Variants in EPHB1 observed in about 807,000 individuals in gnomAD.
EPHB1 encodes the protein EPH receptor B1, also known as ephrin type-B receptor 1.
EPHB1 carries 30 observed loss-of-function variants against 94.4 expected under a neutral mutation model. The observed-to-expected ratio is 0.32, with a 90% CI of 0.24 to 0.43. The LOEUF is 0.43. Ranked by LOEUF, EPHB1 falls within the 20% of genes least tolerant of loss-of-function variation. EPHB1 has a pLI of 1.00. For missense variants in EPHB1, 1,055 were observed against 1,308.3 expected (o/e 0.81, Z 2.99); for synonymous variants, 522 against 489.1 (o/e 1.07, Z -0.89).
intron 3 of EPHB1, among the ~76,000 whole-genome samples, chr3:135,069,421 A>G (rs1342197495): frequency 6.6e-6 from 1 of 152,080 alleles, no homozygotes; most frequent in Non-Finnish European, 1.5e-5. Flanking sequence ...GGCCCCAAGG[A>G]AGACAGTTTG....
At chr3:135,137,333 A>G (rs1940657435) in intron 5 of EPHB1, among the ~76,000 whole-genome samples, 1 of 152,196 alleles carries the variant, frequency 6.6e-6, no homozygotes, top group African/African-American at 2.4e-5. Context: ...TGATTTTATA[A>G]GCTGAAAATC....
At chr3:134,901,325 A>G (rs1391356167) in intron 1 of EPHB1, among the ~76,000 whole-genome samples, 1 of 152,204 alleles carries the variant, frequency 6.6e-6, no homozygotes, top group African/African-American at 2.4e-5. Flanking sequence ...TGTCTCTTAA[A>G]AGACTCCTTA....
rs558321566 is a variant in EPHB1, at chr3:135,248,486, G to T, written c.2667G>T (p.Lys889Asn). The part of the protein sequence containing the change: ...DKMIRNPASL[K>N]TVATITAVPS... ...TGATCCGGAACCCGGCAAGTCTCAA[G>T]ACTGTGGCAACCATCACCGCCGTGT... Residue 889 changes from lysine to asparagine, a missense_variant, in exon 14 of 16, where the codon AAG becomes AAT. Physicochemically the swap from Lys to Asn is moderately conservative, Grantham distance 94 (BLOSUM62 0). Coordinates refer to ENST00000398015, the MANE Select transcript of EPHB1 (RefSeq NM_004441.5). 1 of 1,608,604 alleles carries T rather than the reference G, an allele frequency of 6.2e-7. No individual in the cohort carries two copies. The highest frequency in any genetic ancestry group is 1.3e-5 in the African/African-American group (1 of 74,956).
At chr3:135,193,709 G>A (rs562261253) in intron 11 of EPHB1, among the ~76,000 whole-genome samples, 2 of 152,322 alleles carry the variant, frequency 1.3e-5, no homozygotes, top group African/African-American at 2.4e-5. Context: ...TGTGGCTACA[G>A]ATTAAAGGGT....
intron 1 of EPHB1, among the ~76,000 whole-genome samples, chr3:134,907,855 G>A (rs1442324844): frequency 1.3e-5 from 2 of 152,216 alleles, no homozygotes; most frequent in Admixed American, 6.5e-5. Context: ...CTATGTCAGT[G>A]TTTGCCCCAC....
chr3:134,911,745 C>T (rs2038460204), intron 1 of EPHB1, among the ~76,000 whole-genome samples: 2 of 152,126 alleles, frequency 1.3e-5, no homozygotes, highest in South Asian at 4.1e-4. Flanking sequence ...GGTGATGCAG[C>T]CTTTGGAGCC....
At chr3:135,178,969 T>G (rs1004198347) in intron 9 of EPHB1, among the ~76,000 whole-genome samples, 1 of 152,224 alleles carries the variant, frequency 6.6e-6, no homozygotes, top group Non-Finnish European at 1.5e-5. Context: ...TCAAACATGT[T>G]GAAAAATTAC....
At chr3:135,237,529 A>G (rs1943685473) in intron 12 of EPHB1, among the ~76,000 whole-genome samples, 1 of 151,874 alleles carries the variant, frequency 6.6e-6, no homozygotes, top group Non-Finnish European at 1.5e-5. Flanking sequence ...CCATGCTCCA[A>G]CAGTGACCCC....
intron 3 of EPHB1, among the ~76,000 whole-genome samples, chr3:134,987,541 C>T (rs1174411096): frequency 1.3e-4 from 20 of 152,192 alleles, no homozygotes; most frequent in African/African-American, 3.6e-4. Context: ...TGGCGGATCA[C>T]GAGGTCAGGA....
At chr3:135,215,312 C>T (rs1026648829) in intron 12 of EPHB1, among the ~76,000 whole-genome samples, 51 of 151,972 alleles carry the variant, frequency 3.4e-4, no homozygotes, top group Non-Finnish European at 4.9e-4. Context: ...TACAGGCATG[C>T]GCCTCCATAC....
At chr3:135,052,882 A>T (rs1321189676) in intron 3 of EPHB1, among the ~76,000 whole-genome samples, 7 of 111,266 alleles carry the variant, frequency 6.3e-5, no homozygotes, top group African/African-American at 2.4e-4. Context: ...AAAAAAAAAA[A>T]AAAAAAAAAT....
rs548555504 is a variant in EPHB1, at chr3:135,239,460, T to C, written c.2347-1688T>C. On this transcript the variant is annotated intron_variant, in intron 12 of 15. Coordinates refer to ENST00000398015, the MANE Select transcript of EPHB1 (RefSeq NM_004441.5). ...GAGGAGGGGAGTGAGGGAGCTGCCG[T>C]CCCTGCTCTGTGCTGTTACTGCTGC... Among the ~76,000 whole-genome samples the C allele has an allele frequency of 3.3e-5, 5 of 152,222 alleles. No individual in the cohort carries two copies. In the South Asian group the frequency reaches 8.3e-4, roughly 25 times the overall value.
At chr3:135,167,285 G>A (rs566588296) in intron 9 of EPHB1, among the ~76,000 whole-genome samples, 1 of 152,332 alleles carries the variant, frequency 6.6e-6, no homozygotes, top group East Asian at 1.9e-4. Context: ...GGAAAAGATT[G>A]GGTTTAGCAA....
chr3:134,831,680 G>A (rs2036583556), intron 1 of EPHB1, among the ~76,000 whole-genome samples: 1 of 152,204 alleles, frequency 6.6e-6, no homozygotes, highest in African/African-American at 2.4e-5. Context: ...CACATGGAAA[G>A]ACAGCTGCTT....
intron 3 of EPHB1, among the ~76,000 whole-genome samples, chr3:135,093,980 T>C (rs1387491006): frequency 6.6e-6 from 1 of 152,234 alleles, no homozygotes; most frequent in Non-Finnish European, 1.5e-5. Context: ...TCTGACCCCT[T>C]ATTTTAGGGC....
At chr3:135,031,198 T>TGA (rs964932638) in intron 3 of EPHB1, among the ~76,000 whole-genome samples, 1 of 152,236 alleles carries the variant, frequency 6.6e-6, no homozygotes, top group Non-Finnish European at 1.5e-5. Flanking sequence ...GTCGTCAGGC[T>TGA]GAGAGCTGTA....
chr3:134,845,156 C>T (rs1379081431), intron 1 of EPHB1, among the ~76,000 whole-genome samples: 1 of 152,208 alleles, frequency 6.6e-6, no homozygotes, highest in Non-Finnish European at 1.5e-5. Flanking sequence ...GCTATTGATC[C>T]TTAGTTTCTC....
chr3:135,171,294 C>G (rs1325357207), intron 9 of EPHB1, among the ~76,000 whole-genome samples: 1 of 152,204 alleles, frequency 6.6e-6, no homozygotes, highest in African/African-American at 2.4e-5. Flanking sequence ...TAAGGGAAAG[C>G]ATTTTTAAGT....
At chr3:135,141,382 G>T (rs1298499235) in intron 5 of EPHB1, among the ~76,000 whole-genome samples, 1 of 152,106 alleles carries the variant, frequency 6.6e-6, no homozygotes, top group African/African-American at 2.4e-5. Flanking sequence ...CAGACTGAGG[G>T]CTCCCAAGGG....
Sources: allele counts gnomAD v4.1 joint callset (sites outside exome capture counted in the v4.1 genomes callset), GRCh38; gene constraint gnomAD v4.1.1; transcripts MANE v1.5; gene names NCBI Gene and HGNC (gene_info 2026-07-23, HGNC 2026-07-21).